The following FRMD4A variants were observed in gnomAD, a reference collection of about 807,000 sequenced individuals.
FRMD4A encodes FERM domain containing 4A, also known as FERM domain-containing protein 4A.
Under a neutral mutation model 129.1 loss-of-function variants are expected in FRMD4A, and 29 were observed. The observed-to-expected ratio is 0.22, with a 90% CI of 0.17 to 0.31. The LOEUF is 0.31. FRMD4A is among the 10% of genes least tolerant of loss of function. FRMD4A has a pLI of 1.00. For synonymous variants in FRMD4A, 634 were observed against 571.6 expected, an observed-to-expected ratio of 1.11 and a Z score of -1.56; for missense variants, 1,272 against 1,375.8, an observed-to-expected ratio of 0.92 and a Z score of 1.19.
rs148723514 is a variant in FRMD4A at position 14,006,227 on chromosome 10, C to T, written c.46-147315G>A. Among the ~76,000 whole-genome samples, 82 of 152,278 alleles carry T rather than the reference C, an allele frequency of 5.4e-4. 1 individual carries two copies. The highest frequency in any genetic ancestry group is 1.8e-3 in the African/African-American group (74 of 41,556). ...GGAGGGTGAGGTGCTACCTCACCTT[C>T]ACGGGGAAGACCCAATGTTCCAAGG... On this transcript the variant is annotated intron_variant, in intron 2 of 24. Transcript: ENST00000357447.
intron 5 of FRMD4A, among the ~76,000 whole-genome samples, chr10:13,795,829 C>G (rs1564816550): frequency 6.6e-6 from 1 of 152,296 alleles, no homozygotes; most frequent in East Asian, 1.9e-4. Flanking sequence ...TTCTCACAAC[C>G]TTTTGCAAAC....
chr10:14,030,501 T>C (rs751357389), intron 2 of FRMD4A, among the ~76,000 whole-genome samples: 3 of 152,242 alleles, frequency 2.0e-5, no homozygotes, highest in Non-Finnish European at 4.4e-5. Flanking sequence ...CATACTTGTC[T>C]ATCAAGCTTC....
At chr10:13,736,811 C>T (rs1398333588) in intron 12 of FRMD4A, among the ~76,000 whole-genome samples, 1 of 152,210 alleles carries the variant, frequency 6.6e-6, no homozygotes, top group Non-Finnish European at 1.5e-5. Context: ...CTCCTTTATT[C>T]TCCACCGGGG....
At chr10:13,725,166 C>G (rs1311350923) in intron 12 of FRMD4A, among the ~76,000 whole-genome samples, 1 of 152,142 alleles carries the variant, frequency 6.6e-6, no homozygotes, top group Non-Finnish European at 1.5e-5. Flanking sequence ...TCAGGATTCC[C>G]GATCATCTCA....
intron 4 of FRMD4A, among the ~76,000 whole-genome samples, chr10:13,809,449 G>C (rs919937924): frequency 6.6e-5 from 10 of 152,288 alleles, no homozygotes; most frequent in African/African-American, 1.9e-4. Context: ...TGATTCTCAG[G>C]AGAAAGGGGA....
chr10:13,907,164 G>A (rs2094890626), intron 2 of FRMD4A, among the ~76,000 whole-genome samples: 1 of 152,112 alleles, frequency 6.6e-6, no homozygotes. Flanking sequence ...TTTTACATCA[G>A]AAGGTAGTCT....
intron 6 of FRMD4A, among the ~76,000 whole-genome samples, chr10:13,774,165 A>G (rs4750413): frequency 0.31 from 47,857 of 152,012 alleles, 8,385 homozygotes; most frequent in East Asian, 0.57. Context: ...GCACACAATG[A>G]CAGCCCCGCT....
intron 12 of FRMD4A, chr10:13,729,443 T>TCCGCGGCGC (rs1480920109): frequency 2.6e-4 from 39 of 152,298 alleles, no homozygotes; most frequent in East Asian, 1.9e-4. Flanking sequence ...CGGCAGAACG[T>TCCGCGGCGC]ACACCGCACC....
intron 3 of FRMD4A, among the ~76,000 whole-genome samples, 183 bp downstream of exon 3, chr10:13,858,664 G>A (rs1157628900): frequency 6.6e-6 from 1 of 152,204 alleles, no homozygotes; most frequent in Non-Finnish European, 1.5e-5. Flanking sequence ...TTAGGCTGGT[G>A]TACAGATACA....
At chr10:14,144,555 A>G (rs1296892795) in intron 2 of FRMD4A, among the ~76,000 whole-genome samples, 1 of 152,122 alleles carries the variant, frequency 6.6e-6, no homozygotes, top group Non-Finnish European at 1.5e-5. Context: ...CCTCACTGAC[A>G]ATAGGGTGTC....
chr10:13,948,665 T>G (rs1469293774), intron 2 of FRMD4A, among the ~76,000 whole-genome samples: 1 of 149,236 alleles, frequency 6.7e-6, no homozygotes, highest in East Asian at 2.0e-4. Flanking sequence ...TTTTTTTTTT[T>G]TTTTGAGACA....
intron 2 of FRMD4A, among the ~76,000 whole-genome samples, chr10:13,981,011 G>C (rs2095558631): frequency 6.6e-6 from 1 of 152,162 alleles, no homozygotes; most frequent in Non-Finnish European, 1.5e-5. Context: ...TTAATTTAGT[G>C]AGTTGCCTAG....
At chr10:14,196,952 T>C (rs1034589446) in intron 2 of FRMD4A, among the ~76,000 whole-genome samples, 2 of 152,156 alleles carry the variant, frequency 1.3e-5, no homozygotes, top group Non-Finnish European at 2.9e-5. Flanking sequence ...GTCCATGCAA[T>C]GTCAATAGTC....
At chr10:14,261,980 ACACACACCT>A in intron 2 of FRMD4A, among the ~76,000 whole-genome samples, 1 of 138,354 alleles carries the variant, frequency 7.2e-6, no homozygotes, top group African/African-American at 2.7e-5. Flanking sequence ...ACACACACAC[ACACACACCT>A]CATTTTCCCT....
At chr10:14,294,039 G>C (rs1347023985) in intron 2 of FRMD4A, among the ~76,000 whole-genome samples, 1 of 152,132 alleles carries the variant, frequency 6.6e-6, no homozygotes, top group Non-Finnish European at 1.5e-5. Flanking sequence ...ACCAAGAAAA[G>C]CAATGAAATT....
chr10:14,226,341 C>T (rs186225152), intron 2 of FRMD4A, among the ~76,000 whole-genome samples: 8 of 152,272 alleles, frequency 5.3e-5, no homozygotes, highest in African/African-American at 1.7e-4. Flanking sequence ...TACCTCTCTC[C>T]TTGGAGATCA....
rs2081032260 is a variant in FRMD4A, at chr10:13,645,010, A to T, written c.*2028T>A. On this transcript the variant is annotated 3_prime_UTR_variant, in exon 25 of 25. Transcript: ENST00000357447. The stretch of plus-strand genomic sequence containing the variant: ...ATGGAGCTGGGGAAAGCAGGCCCTG[A>T]ATTGTCTAGAGAGACTTGGTGGAGG... The T allele has an allele frequency of 6.6e-6, 1 of 152,030 alleles. No individual in the cohort carries two copies. The highest frequency in any genetic ancestry group is 2.4e-5 in the African/African-American group (1 of 41,376). The allele number at this position is 152,030 out of a possible 1,614,324, so 9.4% of individuals were successfully genotyped here.
intron 2 of FRMD4A, among the ~76,000 whole-genome samples, chr10:14,108,677 T>C (rs12242497): frequency 0.49 from 74,740 of 152,014 alleles, 20,383 homozygotes; most frequent in East Asian, 0.71. Flanking sequence ...AAGAACACAC[T>C]TAAAGGCTGG....
chr10:14,297,265 C>G (rs1403938653), intron 2 of FRMD4A, among the ~76,000 whole-genome samples: 1 of 152,078 alleles, frequency 6.6e-6, no homozygotes, highest in Non-Finnish European at 1.5e-5. Flanking sequence ...ACATGACAGT[C>G]AGGTCATTAC....
Sources: gnomAD v4.1 joint callset for allele counts (sites outside exome capture counted in the v4.1 genomes callset) on GRCh38, gnomAD v4.1.1 for gene constraint, MANE v1.5 for transcripts, NCBI Gene and HGNC (gene_info 2026-07-23, HGNC 2026-07-21) for gene names.